Variants in ANKFN1 observed in about 807,000 individuals in gnomAD.
ANKFN1 encodes the protein ankyrin repeat and fibronectin type-III domain-containing protein 1.
Under a neutral mutation model 108.7 loss-of-function variants are expected in ANKFN1, and 74 were observed. That is an observed-to-expected ratio of 0.68 (90% confidence interval 0.56 to 0.83). ANKFN1 has a LOEUF of 0.83. Ranked by LOEUF, ANKFN1 falls within the 40% of genes least tolerant of loss-of-function variation. The pLI is 0.00. For missense variants in ANKFN1, 1,505 were observed against 1,382.3 expected, an observed-to-expected ratio of 1.09 and a Z score of -1.41; for synonymous variants, 547 against 516.2, an observed-to-expected ratio of 1.06 and a Z score of -0.81.
At chr17:56,194,142 G>A (rs1913271790) in intron 1 of ANKFN1, among the ~76,000 whole-genome samples, 1 of 152,164 alleles carries the variant, frequency 6.6e-6, no homozygotes, top group African/African-American at 2.4e-5. Flanking sequence ...GTGGGGATGT[G>A]GAGCAATAGG....
At chr17:56,510,301 A>G (rs746070773) in intron 20 of ANKFN1, among the ~76,000 whole-genome samples, 172 bp from the exon 21 acceptor site, 26 of 152,124 alleles carry the variant, frequency 1.7e-4, no homozygotes, top group Non-Finnish European at 3.2e-4. Context: ...TGCAAAATGA[A>G]AATGTGGGGC....
At chr17:56,347,751 G>T (rs906781392) in intron 4 of ANKFN1, among the ~76,000 whole-genome samples, 2 of 152,050 alleles carry the variant, frequency 1.3e-5, no homozygotes, top group African/African-American at 2.4e-5. Context: ...AGGGACAGCT[G>T]GGGGAGGATG....
At chr17:56,081,724 G>T (rs1310621940) in intron 4 of ANKFN1, among the ~76,000 whole-genome samples, 2 of 152,130 alleles carry the variant, frequency 1.3e-5, no homozygotes, top group Non-Finnish European at 2.9e-5. Flanking sequence ...TTCCCTTAGG[G>T]TAAGCTGCCT....
chr17:56,225,932 T>C (rs992637043), intron 2 of ANKFN1, among the ~76,000 whole-genome samples: 1 of 152,210 alleles, frequency 6.6e-6, no homozygotes, highest in Non-Finnish European at 1.5e-5. Flanking sequence ...TGTGAAGTAA[T>C]AGACAGATAA....
chr17:56,122,757 G>A (rs1404719519), intron 4 of ANKFN1, among the ~76,000 whole-genome samples: 1 of 152,208 alleles, frequency 6.6e-6, no homozygotes, highest in Non-Finnish European at 1.5e-5. Context: ...CTGAAAAAAA[G>A]TGGTCATATT....
upstream of ANKFN1, among the ~76,000 whole-genome samples, chr17:56,150,857 G>T (rs990654746): frequency 2.4e-5 from 2 of 84,198 alleles, no homozygotes; most frequent in African/African-American, 1.1e-4. Context: ...TGTCACTTGA[G>T]TCAATATTGG....
chr17:56,289,592 T>C (rs1001483406), intron 3 of ANKFN1, among the ~76,000 whole-genome samples: 1 of 152,216 alleles, frequency 6.6e-6, no homozygotes, highest in East Asian at 1.9e-4. Flanking sequence ...TAAGTGTTGA[T>C]GTCTTGGCAT....
intron 3 of ANKFN1, among the ~76,000 whole-genome samples, chr17:56,315,304 C>G (rs868723796): frequency 3.9e-5 from 6 of 152,262 alleles, no homozygotes; most frequent in Non-Finnish European, 8.8e-5. Flanking sequence ...ACAGAAAACT[C>G]CCACTTTTCC....
In ANKFN1 at chr17:56,511,456, G is replaced by A; in HGVS notation, c.*187G>A. On this transcript the variant is annotated 3_prime_UTR_variant, in exon 21 of 21. Transcript: ENST00000682825. ...TGGTGGGTGGAGGCCAGAGTTGCCA[G>A]TGCCATTCCCACTTCAGCCTAGAAA... The A allele has an allele frequency of 1.1e-5, 7 of 647,242 alleles. No homozygotes were observed. In the South Asian group the frequency reaches 1.5e-4, roughly 14 times the overall value. 40.1% of individuals were successfully genotyped at this position (647,242 alleles called of 1,614,324 possible). A position where few individuals can be genotyped will look rare whatever the true frequency, so the allele number is the denominator to read the frequency against.
At chr17:56,304,412 G>T (rs1295560906) in intron 3 of ANKFN1, among the ~76,000 whole-genome samples, 1 of 151,976 alleles carries the variant, frequency 6.6e-6, no homozygotes, top group Non-Finnish European at 1.5e-5. Context: ...CAACTGAGTT[G>T]TTTTCAGTTT....
At chr17:56,273,104 C>T (rs186065891) in intron 3 of ANKFN1, among the ~76,000 whole-genome samples, 33 of 152,214 alleles carry the variant, frequency 2.2e-4, no homozygotes, top group African/African-American at 7.2e-4. Flanking sequence ...GCTGACACTC[C>T]GAATCTCTCT....
At chr17:56,336,655 T>C (rs191413921) in intron 4 of ANKFN1, among the ~76,000 whole-genome samples, 1 of 152,260 alleles carries the variant, frequency 6.6e-6, no homozygotes, top group African/African-American at 2.4e-5. Flanking sequence ...TTTGTTGATC[T>C]TTTCAAAAAA....
chr17:56,335,862 T>A (rs1880942825), intron 4 of ANKFN1, among the ~76,000 whole-genome samples: 1 of 152,362 alleles, frequency 6.6e-6, no homozygotes, highest in African/African-American at 2.4e-5. Flanking sequence ...TTGTCATAAA[T>A]AGCTCTTATT....
chr17:56,111,098 A>T (rs2143249866), intron 4 of ANKFN1: 1 of 152,410 alleles, frequency 6.6e-6, no homozygotes, highest in East Asian at 1.9e-4. Context: ...GGCCTCATTC[A>T]TCTGGCCCAC....
intron 15 of ANKFN1, among the ~76,000 whole-genome samples, chr17:56,475,223 C>T (rs1485190282): frequency 1.3e-5 from 2 of 152,120 alleles, no homozygotes; most frequent in African/African-American, 2.4e-5. Context: ...TGCTGTAAGC[C>T]TACACTGCCT....
chr17:56,208,217 C>A (rs1261476699), intron 1 of ANKFN1, among the ~76,000 whole-genome samples: 1 of 152,104 alleles, frequency 6.6e-6, no homozygotes, highest in Admixed American at 6.5e-5. Context: ...CACCATGTTA[C>A]CTGACCAACA....
At chr17:56,273,472 AAACAATGG>A (rs1334010242) in intron 3 of ANKFN1, among the ~76,000 whole-genome samples, 2 of 152,166 alleles carry the variant, frequency 1.3e-5, no homozygotes, top group Non-Finnish European at 2.9e-5. Flanking sequence ...TCTAAGTTAA[AAACAATGG>A]AAATTTTTAA....
intron 6 of ANKFN1, among the ~76,000 whole-genome samples, chr17:56,362,048 A>T (rs528926815): frequency 6.6e-6 from 1 of 152,310 alleles, no homozygotes; most frequent in South Asian, 2.1e-4. Context: ...GAATGCAAGC[A>T]GACATAGGTC....
intron 4 of ANKFN1, among the ~76,000 whole-genome samples, chr17:56,328,536 A>G (rs553493289): frequency 1.3e-5 from 2 of 152,352 alleles, no homozygotes; most frequent in South Asian, 2.1e-4. Context: ...TTAGTATTCT[A>G]TTAATTATTC....
Sources: gnomAD v4.1 joint callset for allele counts (sites outside exome capture counted in the v4.1 genomes callset) on GRCh38, gnomAD v4.1.1 for gene constraint, MANE v1.5 for transcripts, NCBI Gene and HGNC (gene_info 2026-07-23, HGNC 2026-07-21) for gene names.